The following CFAP57 variants were observed in gnomAD, a reference collection of about 807,000 sequenced individuals.
CFAP57 encodes cilia and flagella associated protein 57, also known as cilia- and flagella-associated protein 57.
In CFAP57, 116 loss-of-function variants were observed where a neutral mutation model predicts 146.8. The observed-to-expected ratio is 0.79, with a 90% CI of 0.68 to 0.92. The LOEUF (loss-of-function observed/expected upper bound fraction) is 0.92, where lower values mean the gene tolerates loss of function less well. Ranked by LOEUF, CFAP57 falls within the 40% of genes least tolerant of loss-of-function variation. The pLI is 0.00. For missense variants in CFAP57, 1,377 were observed against 1,527.2 expected (o/e 0.90, Z 1.64); for synonymous variants, 518 against 552.8 (o/e 0.94, Z 0.88).
intron 2 of CFAP57, among the ~76,000 whole-genome samples, chr1:43,176,333 C>G (rs1272620721): frequency 6.6e-6 from 1 of 152,148 alleles, no homozygotes; most frequent in East Asian, 1.9e-4. Context: ...GAGAAAGACT[C>G]CGGGATGCTC....
intron 2 of CFAP57, 52 bp downstream of exon 2, chr1:43,172,962 A>G: frequency 6.7e-7 from 1 of 1,499,562 alleles, no homozygotes. Flanking sequence ...GCCACATATA[A>G]CCCCATAATC....
chr1:43,192,541 T>G (rs1013222485), intron 6 of CFAP57, among the ~76,000 whole-genome samples: 1 of 143,920 alleles, frequency 6.9e-6, no homozygotes, highest in Non-Finnish European at 1.5e-5. Context: ...GAGAATCGCT[T>G]GAACCCAGGA....
chr1:43,232,454 A>G, intron 18 of CFAP57, 54 bp from the exon 19 acceptor site: 1 of 1,452,540 alleles, frequency 6.9e-7, no homozygotes, highest in Non-Finnish European at 9.4e-7. Flanking sequence ...TCTCAAATAC[A>G]GTTTTCATTA....
chr1:43,254,029 A>G lies in CFAP57; in HGVS notation c.3591A>G (p.Gln1197=), dbSNP rs200397079. 8 of 1,550,532 alleles carry G rather than the reference A, an allele frequency of 5.2e-6. No homozygotes were observed. In the South Asian group the frequency reaches 5.9e-5, roughly 12 times the overall value. The change falls in exon 23 of 23, where the codon CAA becomes CAG. Residue 1197 remains glutamine (Q), a synonymous_variant. Coordinates refer to ENST00000372492, the MANE Select transcript of CFAP57 (RefSeq NM_001378189.1). ...CTCCCACCGCAAGGTTGAATGAGCA[A>G]GAAGAAACTGGGAGGATCATTGAAA... ...STAPTARLNE[Q]EETGRIIEMQ...
At chr1:43,243,167 C>T in intron 21 of CFAP57, 60 bp from the exon 22 acceptor site, 2 of 1,533,588 alleles carry the variant, frequency 1.3e-6, no homozygotes, top group South Asian at 1.2e-5. Context: ...GGAGGGTATG[C>T]CTTGTGCCCA....
At chr1:43,197,934 C>CAACA (rs924073233) in intron 7 of CFAP57, among the ~76,000 whole-genome samples, 6 of 152,184 alleles carry the variant, frequency 3.9e-5, no homozygotes, top group Admixed American at 1.3e-4. Context: ...GAGATGAAGA[C>CAACA]AACACCTCAG....
chr1:43,191,458 G>T (rs1643517223), intron 6 of CFAP57, among the ~76,000 whole-genome samples: 1 of 151,772 alleles, frequency 6.6e-6, no homozygotes, highest in Non-Finnish European at 1.5e-5. Flanking sequence ...ATGGTGGTGG[G>T]CGCCTGTGGT....
rs1782387 is a variant in CFAP57 at position 43,172,786 on chromosome 1, T to A, written c.33T>A (p.Val11=). The A allele has an allele frequency of 0.24, 382,015 of 1,613,544 alleles. 48,143 individuals are homozygous for A. Among genetic ancestry groups the A allele is most frequent in the Middle Eastern group, 0.28 (1,668 of 6,060 alleles). The change falls in exon 2 of 23, where the codon GTT becomes GTA. Residue 11 remains valine, a synonymous_variant. Transcript: ENST00000372492. ...CCGTGGTAGCTCAGACGCTGCATGT[T>A]TTTGGTCTTCGATCCCACGTGGCCA... MSAVVAQTLH[V]FGLRSHVANN...
chr1:43,215,314 C>T lies in CFAP57; in HGVS notation c.1989C>T (p.Phe663=). 1.3e-6 allele frequency: 2 copies of T among 1,551,308 alleles called. No individual in the cohort carries two copies. Among genetic ancestry groups the T allele is most frequent in the South Asian group, 1.2e-5 (1 of 84,060 alleles). The change falls in exon 12 of 23, where the codon TTC becomes TTT. Residue 663 remains phenylalanine, a synonymous_variant. Coordinates refer to ENST00000372492, the MANE Select transcript of CFAP57 (RefSeq NM_001378189.1). ...CTGCTGCTGAGGATGGCTGCCTGTT[C>T]ACCTGGAAGGTCTTTGATAAGGATG... The part of the protein sequence containing the change: ...LLTAAEDGCL[F]TWKVFDKDGR...
intron 2 of CFAP57, among the ~76,000 whole-genome samples, chr1:43,173,267 A>C (rs2124193002): frequency 6.6e-6 from 1 of 152,236 alleles, no homozygotes; most frequent in Non-Finnish European, 1.5e-5. Flanking sequence ...TCATTATATC[A>C]CCGTTTGAAT....
In CFAP57 at chr1:43,215,411, GA is replaced by G. The variant is rs1409354688; in HGVS notation, c.2090del (p.Lys697ArgfsTer8). 2.6e-6 allele frequency: 4 copies of G among 1,550,406 alleles called. No individual in the cohort carries two copies. The highest frequency in any genetic ancestry group is 2.7e-5 in the African/African-American group (2 of 73,048). ...EVLVTKTDME[E>X]KAQVMLELKT... ...GCTTGTGACTAAAACAGACATGGAA[GA>G]AAAGGTAAGAACTGGATCTAATGAA... On this transcript the variant is annotated frameshift_variant, in exon 12 of 23. Transcript: ENST00000372492. LOFTEE classifies it high-confidence loss of function.
At chr1:43,180,974 C>T (rs1645381357) in intron 2 of CFAP57, among the ~76,000 whole-genome samples, 1 of 152,132 alleles carries the variant, frequency 6.6e-6, no homozygotes, top group Non-Finnish European at 1.5e-5. Context: ...CAAGCTCTTC[C>T]TGCTATCTAC....
chr1:43,182,735 G>C (rs1645465976), intron 3 of CFAP57, among the ~76,000 whole-genome samples: 1 of 152,188 alleles, frequency 6.6e-6, no homozygotes, highest in Admixed American at 6.5e-5. Flanking sequence ...AGGACCTCCT[G>C]CTCTGACTAG....
At position 43,238,670 on chromosome 1, in the gene CFAP57, C is replaced by A. The variant is rs1029204526; in HGVS notation, c.3405+4032C>A. On this transcript the variant is annotated intron_variant, in intron 21 of 22. Transcript: ENST00000372492. The surrounding 1 kb of genome is among the most constrained non-coding windows in gnomAD (Gnocchi z 4.3). ...GGGACCCCTCGGAACACAGGCCACC[C>A]CAGAAAACATTTTGCAGGTAGCCCA... is the stretch of plus-strand genomic sequence containing the variant. Among the ~76,000 whole-genome samples the A allele has an allele frequency of 6.6e-6, 1 of 152,082 alleles. No individual in the cohort carries two copies. The highest frequency in any genetic ancestry group is 2.1e-4 in the South Asian group (1 of 4,820).
At chr1:43,227,251 G>A (rs1407935073) in intron 18 of CFAP57, 125 bp downstream of exon 18, 1 of 1,181,050 alleles carries the variant, frequency 8.5e-7, no homozygotes, top group Non-Finnish European at 1.1e-6. Flanking sequence ...CAAGGTGTGT[G>A]CAGCCTCCAG....
chr1:43,206,683 G>C, intron 9 of CFAP57, 37 bp from the exon 10 acceptor site: 1 of 1,602,628 alleles, frequency 6.2e-7, no homozygotes. Flanking sequence ...GTAAGTGTGT[G>C]TACACTCTTC....
At chr1:43,208,950 G>T (rs1452587769) in intron 10 of CFAP57, among the ~76,000 whole-genome samples, 1 of 152,120 alleles carries the variant, frequency 6.6e-6, no homozygotes, top group African/African-American at 2.4e-5. Context: ...CCAAAAACAG[G>T]TGAGTACCAT....
Position 43,208,291 on chromosome 1 carries a change from C to T in CFAP57, c.1755+1359C>T, listed in dbSNP as rs559253964. Among the ~76,000 whole-genome samples, 390 of 152,284 alleles carry T rather than the reference C, an allele frequency of 2.6e-3. 3 individuals carry two copies. Among genetic ancestry groups the T allele is most frequent in the African/African-American group, 8.9e-3 (369 of 41,540 alleles). ...GAAATACCATTTGACCCAGCCATCC[C>T]ATTACTGAGTATATACCCAAAGGAT... On this transcript the variant is annotated intron_variant, in intron 10 of 22. Coordinates refer to ENST00000372492, the MANE Select transcript of CFAP57 (RefSeq NM_001378189.1).
chr1:43,243,124 C>T (rs1399042809), intron 21 of CFAP57, 103 bp from the exon 22 acceptor site: 6 of 1,361,936 alleles, frequency 4.4e-6, no homozygotes, highest in Middle Eastern at 3.8e-4. Context: ...GGATCCAGAC[C>T]TAACCCTGCC....
Sources: gnomAD v4.1 joint callset for allele counts (sites outside exome capture counted in the v4.1 genomes callset) on GRCh38, gnomAD v4.1.1 for gene constraint, Gnocchi (gnomAD v3.1) non-coding constraint, MANE v1.5 for transcripts, NCBI Gene and HGNC (gene_info 2026-07-23, HGNC 2026-07-21) for gene names.